ZFYVE9: variants seen among roughly 807,000 people sequenced by gnomAD.
ZFYVE9 encodes zinc finger FYVE domain-containing protein 9.
ZFYVE9 carries 43 observed loss-of-function variants against 126.7 expected under a neutral mutation model. The observed-to-expected ratio is 0.34, with a 90% CI of 0.27 to 0.44. The LOEUF (loss-of-function observed/expected upper bound fraction) is 0.44. Among genes scored for constraint, ZFYVE9 ranks in the 20% least tolerant of loss-of-function variants. ZFYVE9 has a pLI of 1.00. For synonymous variants in ZFYVE9, 521 were observed against 597.4 expected, an observed-to-expected ratio of 0.87 and a Z score of 1.87; for missense variants, 1,476 against 1,697.0, an observed-to-expected ratio of 0.87 and a Z score of 2.29.
At chr1:52,325,731 C>G (rs1187831409) in intron 13 of ZFYVE9, among the ~76,000 whole-genome samples, 7 of 152,186 alleles carry the variant, frequency 4.6e-5, no homozygotes, top group Non-Finnish European at 5.9e-5. Context: ...CCTGCCATGA[C>G]AAAGGCCCTA....
chr1:52,178,575 T>G (rs1346355361), intron 1 of ZFYVE9, among the ~76,000 whole-genome samples: 1 of 152,026 alleles, frequency 6.6e-6, no homozygotes, highest in Non-Finnish European at 1.5e-5. Flanking sequence ...GTGATCCACC[T>G]GCCTCGGCCT....
At chr1:52,268,810 T>G (rs1645659595) in intron 7 of ZFYVE9, among the ~76,000 whole-genome samples, 178 bp downstream of exon 7, 1 of 152,200 alleles carries the variant, frequency 6.6e-6, no homozygotes, top group Non-Finnish European at 1.5e-5. Flanking sequence ...TGCTGTATAT[T>G]TAGAAGTTTT....
At chr1:52,330,118 C>T (rs946168614) in intron 13 of ZFYVE9, among the ~76,000 whole-genome samples, 9 of 152,154 alleles carry the variant, frequency 5.9e-5, no homozygotes, top group African/African-American at 2.2e-4. Context: ...ATGGCTCACG[C>T]CTATAATCCC....
At chr1:52,285,145 T>G (rs1444575754) in intron 10 of ZFYVE9, among the ~76,000 whole-genome samples, 1 of 152,204 alleles carries the variant, frequency 6.6e-6, no homozygotes, top group Non-Finnish European at 1.5e-5. Context: ...AGATCAGTAT[T>G]GTTTACATTA....
At chr1:52,180,135 GATT>G in intron 1 of ZFYVE9, 1 of 1,081,238 alleles carries the variant, frequency 9.2e-7, no homozygotes, top group Non-Finnish European at 1.4e-6. Flanking sequence ...CTCAGGGAAG[GATT>G]ATGTTCAAGA....
chr1:52,237,264 A>G (rs751547808), intron 3 of ZFYVE9, among the ~76,000 whole-genome samples: 2 of 152,176 alleles, frequency 1.3e-5, no homozygotes, highest in Non-Finnish European at 2.9e-5. Context: ...AGATTGAGGT[A>G]GAATTCTTTT....
intron 13 of ZFYVE9, among the ~76,000 whole-genome samples, chr1:52,312,170 T>C (rs1280502403): frequency 6.6e-6 from 1 of 152,198 alleles, no homozygotes; most frequent in Admixed American, 6.5e-5. Flanking sequence ...CTTCCCAATA[T>C]AGCTAAATTC....
At chr1:52,308,209 C>T (rs1646104194) in intron 13 of ZFYVE9, among the ~76,000 whole-genome samples, 1 of 152,078 alleles carries the variant, frequency 6.6e-6, no homozygotes, top group Non-Finnish European at 1.5e-5. Context: ...GAAACAGGGT[C>T]TTATTGTGTC....
chr1:52,189,752 G>A (rs1027961657), intron 1 of ZFYVE9, among the ~76,000 whole-genome samples: 1 of 151,528 alleles, frequency 6.6e-6, no homozygotes, highest in East Asian at 1.9e-4. Flanking sequence ...TTGCTCCTAT[G>A]TTTTCTTTGA....
chr1:52,184,087 C>G (rs1163383930), intron 1 of ZFYVE9, among the ~76,000 whole-genome samples: 3 of 151,220 alleles, frequency 2.0e-5, no homozygotes, highest in African/African-American at 4.8e-5. Context: ...CATAAATTCA[C>G]ACAACGGTCA....
At chr1:52,309,097 G>A (rs1377571020) in intron 13 of ZFYVE9, among the ~76,000 whole-genome samples, 1 of 152,182 alleles carries the variant, frequency 6.6e-6, no homozygotes, top group South Asian at 2.1e-4. Context: ...GCAACACATT[G>A]CATGTAGGAG....
At chr1:52,219,402 C>G (rs1459019748) in intron 2 of ZFYVE9, among the ~76,000 whole-genome samples, 1 of 151,706 alleles carries the variant, frequency 6.6e-6, no homozygotes, top group Non-Finnish European at 1.5e-5. Context: ...GGTTGCGGCC[C>G]CTTTTAGCCC....
At chr1:52,218,919 G>A (rs989417717) in intron 2 of ZFYVE9, among the ~76,000 whole-genome samples, 3 of 152,126 alleles carry the variant, frequency 2.0e-5, no homozygotes, top group African/African-American at 4.8e-5. Context: ...AGTGGGGATA[G>A]GGTCAGTGGA....
At chr1:52,154,378 G>A (rs770284674) in intron 1 of ZFYVE9, among the ~76,000 whole-genome samples, 2 of 152,130 alleles carry the variant, frequency 1.3e-5, no homozygotes, top group Admixed American at 6.5e-5. Flanking sequence ...GTTCAGAGTT[G>A]GCCTTGGTAA....
chr1:52,244,044 C>T (rs1572130209), intron 4 of ZFYVE9, among the ~76,000 whole-genome samples: 2 of 152,162 alleles, frequency 1.3e-5, no homozygotes. Context: ...AAAATACTGT[C>T]AGTAAGATAT....
chr1:52,198,876 G>T (rs1272979117), intron 1 of ZFYVE9, among the ~76,000 whole-genome samples: 1 of 152,020 alleles, frequency 6.6e-6, no homozygotes, highest in Admixed American at 6.6e-5. Flanking sequence ...GAACCTACAT[G>T]GATACATCAT....
intron 1 of ZFYVE9, among the ~76,000 whole-genome samples, chr1:52,206,983 A>G (rs996755316): frequency 9.9e-5 from 15 of 152,238 alleles, no homozygotes; most frequent in Non-Finnish European, 2.2e-4. Flanking sequence ...ATATGTATGT[A>G]GGCATGTATT....
chr1:52,173,608 T>C (rs1030343088), intron 1 of ZFYVE9, among the ~76,000 whole-genome samples: 6 of 152,190 alleles, frequency 3.9e-5, no homozygotes, highest in African/African-American at 1.4e-4. Flanking sequence ...TCTGGTAGAA[T>C]TCGGCTGTGA....
At chr1:52,317,993 A>G (rs964487555) in intron 13 of ZFYVE9, among the ~76,000 whole-genome samples, 1 of 152,144 alleles carries the variant, frequency 6.6e-6, no homozygotes, top group African/African-American at 2.4e-5. Flanking sequence ...AAGAAATAAC[A>G]CCATTTCTGT....
Sources: allele counts gnomAD v4.1 joint callset (sites outside exome capture counted in the v4.1 genomes callset), GRCh38; gene constraint gnomAD v4.1.1; transcripts MANE v1.5; gene names NCBI Gene and HGNC (gene_info 2026-07-23, HGNC 2026-07-21).